The following FHOD3 variants were observed in gnomAD, a reference collection of about 807,000 sequenced individuals.
FHOD3 encodes formin homology 2 domain containing 3.
In FHOD3, 90 loss-of-function variants were observed where a neutral mutation model predicts 173.0. That is an observed-to-expected ratio of 0.52 (90% CI 0.44 to 0.62). FHOD3 has a LOEUF of 0.62. Among genes scored for constraint, FHOD3 ranks in the 20% least tolerant of loss-of-function variants. FHOD3 has a pLI of 0.00. For synonymous variants in FHOD3, 828 were observed against 823.0 expected (o/e 1.01, Z -0.10); for missense variants, 1,945 against 2,034.7 (o/e 0.96, Z 0.85).
chr18:36,746,499 C>T (rs942179323), intron 23 of FHOD3, among the ~76,000 whole-genome samples: 1 of 152,200 alleles, frequency 6.6e-6, no homozygotes, highest in Non-Finnish European at 1.5e-5. Context: ...CGAAGAGAAG[C>T]TGGCTGCCCA....
chr18:36,526,927 G>A (rs10502659), intron 5 of FHOD3, among the ~76,000 whole-genome samples: 2,943 of 152,280 alleles, frequency 0.019, 30 homozygotes, highest in Non-Finnish European at 0.028. Context: ...TATATCAGTC[G>A]AAGTCCTCAC....
intron 17 of FHOD3, among the ~76,000 whole-genome samples, chr18:36,707,200 CTA>C (rs1488723543): frequency 6.6e-6 from 1 of 152,212 alleles, no homozygotes; most frequent in African/African-American, 2.4e-5. Flanking sequence ...TGTCTGGAAA[CTA>C]TGCCCTCAGA....
At chr18:36,620,982 G>C (rs1599908654) in intron 9 of FHOD3, among the ~76,000 whole-genome samples, 1 of 152,096 alleles carries the variant, frequency 6.6e-6, no homozygotes, top group East Asian at 1.9e-4. Context: ...TCCTAATAGA[G>C]AAGGACATCT....
In FHOD3 at chr18:36,324,498, CA is replaced by C. The variant is rs1330640756; in HGVS notation, c.165+26500del. Among the ~76,000 whole-genome samples, 93 of 152,144 alleles carry C rather than the reference CA, an allele frequency of 6.1e-4. 1 individual carries two copies. The highest frequency in any genetic ancestry group is 2.1e-3 in the African/African-American group (89 of 41,506). On this transcript the variant is annotated intron_variant, in intron 1 of 28. Transcript: ENST00000590592. ...ATCTCTCTTTGTGTGTGTAAATATT[CA>C]ATAAAGGACTCATATTCAAAATATA...
In FHOD3 at chr18:36,360,931, T is replaced by C. The variant is rs75010358; in HGVS notation, c.272+5286T>C. On this transcript the variant is annotated intron_variant, in intron 2 of 28. Transcript: ENST00000590592. Reference sequence around the variant, plus strand: ...ACTGGTGGAATGGGAAATCACAGAATAGATTTTGAACATAAGTCTAAAAAT... The same window carrying C: ...ACTGGTGGAATGGGAAATCACAGAACAGATTTTGAACATAAGTCTAAAAAT... 7.1e-3 allele frequency among the ~76,000 whole-genome samples: 1,074 copies of C among 152,326 alleles called. 8 individuals carry two copies. The highest frequency in any genetic ancestry group is 0.011 in the Non-Finnish European group (778 of 68,034).
chr18:36,618,315 T>C (rs1367727061), intron 9 of FHOD3, among the ~76,000 whole-genome samples: 1 of 140,048 alleles, frequency 7.1e-6, no homozygotes, highest in Admixed American at 7.1e-5. Flanking sequence ...TTGGTGGTTT[T>C]TTTTTTTTTT....
chr18:36,665,906 G>A (rs1158355371), intron 14 of FHOD3, among the ~76,000 whole-genome samples: 1 of 152,210 alleles, frequency 6.6e-6, no homozygotes, highest in African/African-American at 2.4e-5. Context: ...TTGGGGCTGT[G>A]ACAGGAGAGG....
intron 3 of FHOD3, among the ~76,000 whole-genome samples, chr18:36,435,403 A>G (rs1274819602): frequency 6.6e-6 from 1 of 152,134 alleles, no homozygotes; most frequent in Non-Finnish European, 1.5e-5. Context: ...GAAAGAAAGA[A>G]TCCAGTTAAA....
intron 3 of FHOD3, among the ~76,000 whole-genome samples, chr18:36,461,526 C>G (rs899485269): frequency 6.6e-6 from 1 of 151,102 alleles, no homozygotes; most frequent in Non-Finnish European, 1.5e-5. Context: ...TGACTTGGCT[C>G]GTGGAATTGC....
At chr18:36,534,495 A>ATTATT (rs568192668) in intron 5 of FHOD3, among the ~76,000 whole-genome samples, 1,564 of 151,224 alleles carry the variant, frequency 0.01, 19 homozygotes, top group African/African-American at 0.035. Flanking sequence ...TTATTATTTT[A>ATTATT]TTATTTTATT....
rs75768074 is a variant in FHOD3, at chr18:36,473,023, T to G, written c.338-28909T>G. ...ACATGACCAAAGCCCATCCTTAGCCTCCTTCATTTGAAGGCAAAACACAAG... is the reference window on the plus strand; with the variant it reads ...ACATGACCAAAGCCCATCCTTAGCCGCCTTCATTTGAAGGCAAAACACAAG... On this transcript the variant is annotated intron_variant, in intron 3 of 28. Transcript: ENST00000590592. 4.4e-3 allele frequency among the ~76,000 whole-genome samples: 674 copies of G among 152,290 alleles called. 9 individuals carry two copies. In the East Asian group the frequency reaches 0.047, roughly 11 times the overall value.
intron 3 of FHOD3, among the ~76,000 whole-genome samples, chr18:36,400,217 C>T (rs1297185349): frequency 6.6e-6 from 1 of 152,104 alleles, no homozygotes; most frequent in Non-Finnish European, 1.5e-5. Context: ...ATGAAATATG[C>T]TGTTGAATAA....
At chr18:36,662,209 C>T (rs1377472333) in intron 14 of FHOD3, among the ~76,000 whole-genome samples, 1 of 152,208 alleles carries the variant, frequency 6.6e-6, no homozygotes, top group East Asian at 1.9e-4. Flanking sequence ...TGGACTTTCT[C>T]ATCAATGGCG....
At chr18:36,439,341 C>A (rs973214408) in intron 3 of FHOD3, among the ~76,000 whole-genome samples, 16 of 152,114 alleles carry the variant, frequency 1.1e-4, no homozygotes. Context: ...TGCAGAGGAC[C>A]CTCCAGGTAT....
chr18:36,650,687 C>T (rs1221939279), intron 11 of FHOD3, among the ~76,000 whole-genome samples: 1 of 152,202 alleles, frequency 6.6e-6, no homozygotes, highest in Non-Finnish European at 1.5e-5. Context: ...GCCTCCCTAT[C>T]TGCTGAAAGG....
intron 2 of FHOD3, among the ~76,000 whole-genome samples, chr18:36,360,275 C>T (rs1364720680): frequency 6.6e-6 from 1 of 152,166 alleles, no homozygotes; most frequent in African/African-American, 2.4e-5. Context: ...ATCATGAGGA[C>T]CAGTGTGGTG....
chr18:36,497,780 C>T (rs2054823736), intron 3 of FHOD3, among the ~76,000 whole-genome samples: 1 of 152,150 alleles, frequency 6.6e-6, no homozygotes, highest in African/African-American at 2.4e-5. Context: ...TCTCCTTTCA[C>T]ACTAATCTAT....
intron 3 of FHOD3, among the ~76,000 whole-genome samples, chr18:36,468,270 C>T (rs1393889483): frequency 6.6e-6 from 1 of 152,176 alleles, no homozygotes; most frequent in Non-Finnish European, 1.5e-5. Flanking sequence ...GGCTACCTCT[C>T]CCCTCGCCTG....
chr18:36,443,261 T>C (rs1484683159), intron 3 of FHOD3, among the ~76,000 whole-genome samples: 1 of 152,228 alleles, frequency 6.6e-6, no homozygotes, highest in African/African-American at 2.4e-5. Context: ...ATCATTACTG[T>C]AGTGTTTGCC....
Sources: gnomAD v4.1 joint callset for allele counts (sites outside exome capture counted in the v4.1 genomes callset) on GRCh38, gnomAD v4.1.1 for gene constraint, MANE v1.5 for transcripts, NCBI Gene and HGNC (gene_info 2026-07-23, HGNC 2026-07-21) for gene names.